The following ADGRD1 variants were observed in gnomAD, a reference collection of about 807,000 sequenced individuals.
ADGRD1 encodes the protein adhesion G protein-coupled receptor D1, also known as G-protein coupled receptor 133.
A neutral mutation model predicts 113.4 loss-of-function variants in ADGRD1; 77 were observed. The observed-to-expected ratio is 0.68, with a 90% CI of 0.57 to 0.82. The LOEUF (loss-of-function observed/expected upper bound fraction) is 0.82, where lower values mean the gene tolerates loss of function less well. Ranked by LOEUF, ADGRD1 falls within the 40% of genes least tolerant of loss-of-function variation. The pLI, the probability that ADGRD1 is intolerant of heterozygous loss-of-function variation, is 0.00. For missense variants in ADGRD1, 1,036 were observed against 1,139.1 expected, an observed-to-expected ratio of 0.91 and a Z score of 1.30; for synonymous variants, 474 against 475.0, an observed-to-expected ratio of 1.00 and a Z score of 0.03.
chr12:131,063,682 G>A (rs1190386289), intron 13 of ADGRD1, among the ~76,000 whole-genome samples: 3 of 152,176 alleles, frequency 2.0e-5, no homozygotes, highest in Non-Finnish European at 4.4e-5. Flanking sequence ...TGTGTAGTAG[G>A]TCTTGAAATC....
chr12:131,016,158 T>C (rs1331569720), intron 13 of ADGRD1, among the ~76,000 whole-genome samples: 1 of 152,208 alleles, frequency 6.6e-6, no homozygotes, highest in South Asian at 2.1e-4. Context: ...GAAGGGAACC[T>C]CCCTCCACGC....
intron 15 of ADGRD1, among the ~76,000 whole-genome samples, chr12:131,091,708 G>A (rs188100333): frequency 3.4e-5 from 5 of 147,338 alleles, no homozygotes; most frequent in Admixed American, 1.3e-4. Flanking sequence ...GGGCCGGGGC[G>A]AGGAGGGGGC....
At chr12:131,032,725 T>C (rs7138399) in intron 13 of ADGRD1, among the ~76,000 whole-genome samples, 24,067 of 73,256 alleles carry the variant, frequency 0.33, 4,521 homozygotes, top group South Asian at 0.44. Flanking sequence ...AGAGATGACG[T>C]TTATTAGAGA....
In ADGRD1 at chr12:131,139,305, AC is replaced by A. The variant is rs35160436; in HGVS notation, c.*49del. On this transcript the variant is annotated 3_prime_UTR_variant, in exon 25 of 25. Transcript: ENST00000261654. ...CCAGGCCAGGCTGCGCTCAGAACACACCCCCCCAAACAGAATGAAATGCCCC... is the reference window on the plus strand; with the variant it reads ...CCAGGCCAGGCTGCGCTCAGAACACACCCCCCAAACAGAATGAAATGCCCC... The A allele has an allele frequency of 2.1e-5, 26 of 1,250,746 alleles. No homozygotes were observed. The highest frequency in any genetic ancestry group is 4.8e-5 in the East Asian group (2 of 41,250). 77.5% of individuals were successfully genotyped at this position (1,250,746 alleles called of 1,614,324 possible).
chr12:131,089,158 C>T (rs1886722772), intron 15 of ADGRD1, among the ~76,000 whole-genome samples: 1 of 152,188 alleles, frequency 6.6e-6, no homozygotes, highest in African/African-American at 2.4e-5. Flanking sequence ...TGCTCGTTGG[C>T]ATGTGAAGAA....
rs1262098268 is a variant in ADGRD1 at position 131,084,041 on chromosome 12, T to A, written c.1548-499T>A. 6.6e-6 allele frequency among the ~76,000 whole-genome samples: 1 copy of A among 152,244 alleles called. No individual in the cohort carries two copies. Among genetic ancestry groups the A allele is most frequent in the East Asian group, 1.9e-4 (1 of 5,200 alleles). On this transcript the variant is annotated intron_variant, in intron 14 of 24. Coordinates refer to ENST00000261654, the MANE Select transcript of ADGRD1 (RefSeq NM_198827.5). This position sits in a 1 kb window ranked among gnomAD's most constrained non-coding sequence, Gnocchi z 4.5. Reference sequence around the variant, plus strand: ...CTTATCAGTGCACATTGGTCAAGGATGTTCTTTTTAACCGATGCGAGGTCT... The same window carrying A: ...CTTATCAGTGCACATTGGTCAAGGAAGTTCTTTTTAACCGATGCGAGGTCT...
chr12:131,008,034 TG>T (rs1488051735), intron 12 of ADGRD1, among the ~76,000 whole-genome samples: 2 of 152,216 alleles, frequency 1.3e-5, no homozygotes, highest in Admixed American at 6.5e-5. Flanking sequence ...TGTGTGACCC[TG>T]GGCAAGTGAC....
intron 18 of ADGRD1, among the ~76,000 whole-genome samples, chr12:131,110,631 T>C (rs1361680923): frequency 6.6e-6 from 1 of 152,244 alleles, no homozygotes; most frequent in Non-Finnish European, 1.5e-5. Flanking sequence ...TTTATAGAGT[T>C]ACATTAACCT....
intron 12 of ADGRD1, among the ~76,000 whole-genome samples, chr12:131,007,104 G>A (rs1160918780): frequency 6.6e-6 from 1 of 152,218 alleles, no homozygotes. Context: ...GAGAACCTGC[G>A]TGGGAAAGCG....
At chr12:131,088,559 C>G (rs554752916) in intron 15 of ADGRD1, among the ~76,000 whole-genome samples, 2 of 152,104 alleles carry the variant, frequency 1.3e-5, no homozygotes, top group East Asian at 3.9e-4. Flanking sequence ...AAGGACAGTC[C>G]GGGCAGAGGA....
chr12:131,086,350 A>G (rs753780204), intron 15 of ADGRD1, among the ~76,000 whole-genome samples: 9 of 152,032 alleles, frequency 5.9e-5, no homozygotes, highest in Middle Eastern at 3.2e-3. Context: ...GACTTTTCCT[A>G]TTCCAGAAAG....
chr12:130,991,322 G>C (rs1287113721), intron 7 of ADGRD1, among the ~76,000 whole-genome samples: 5 of 152,132 alleles, frequency 3.3e-5, no homozygotes. Context: ...GAAATACCGG[G>C]CTCATTCATG....
chr12:131,014,186 G>T lies in ADGRD1; in HGVS notation c.1332-13G>T. On this transcript the variant is annotated splice_polypyrimidine_tract_variant and intron_variant, in intron 12 of 24. Transcript: ENST00000261654. ...CGTTTCCCATTTTGTAATGATTTCCGTCTCTTCCCAAGGATCGCGGAGGCC... is the reference window on the plus strand; with the variant it reads ...CGTTTCCCATTTTGTAATGATTTCCTTCTCTTCCCAAGGATCGCGGAGGCC... 1 of 1,612,276 alleles carries T rather than the reference G, an allele frequency of 6.2e-7. No homozygotes were observed. The highest frequency in any genetic ancestry group is 2.2e-5 in the East Asian group (1 of 44,842).
intron 19 of ADGRD1, 48 bp downstream of exon 19, chr12:131,118,499 G>C (rs377564599): frequency 7.0e-7 from 1 of 1,430,832 alleles, no homozygotes; most frequent in African/African-American, 1.4e-5. Context: ...CCATGGAACA[G>C]CTTGTGGCGA....
intron 20 of ADGRD1, chr12:131,121,808 C>T (rs534878968): frequency 6.6e-6 from 1 of 152,376 alleles, no homozygotes; most frequent in South Asian, 2.1e-4. Context: ...CTCTGCCTCC[C>T]CGGATGGAAA....
rs1271467333 is a variant in ADGRD1, at chr12:131,027,846, A to G, written c.1473+13506A>G. On this transcript the variant is annotated intron_variant, in intron 13 of 24. Coordinates refer to ENST00000261654, the MANE Select transcript of ADGRD1 (RefSeq NM_198827.5). This position sits in a 1 kb window ranked among gnomAD's most constrained non-coding sequence, Gnocchi z 5.1. ...GTATGACAGTTTTTACAAAGCGAAC[A>G]TACCCAAGAAATCACCCCTCAGGTC... 1 of 152,238 alleles carries G rather than the reference A, an allele frequency of 6.6e-6. No individual in the cohort carries two copies. Among genetic ancestry groups the G allele is most frequent in the Admixed American group, 6.5e-5 (1 of 15,290 alleles). 9.4% of individuals were successfully genotyped at this position (152,238 alleles called of 1,614,324 possible).
At chr12:130,972,636 T>C (rs193095140) in intron 4 of ADGRD1, among the ~76,000 whole-genome samples, 2 of 152,084 alleles carry the variant, frequency 1.3e-5, no homozygotes, top group East Asian at 1.9e-4. Flanking sequence ...AAAACAACCA[T>C]GGGCTCGGCG....
rs919314724 is a variant in ADGRD1, at chr12:130,999,108, T to C, written c.967-1275T>C. Among the ~76,000 whole-genome samples, 7 of 152,340 alleles carry C rather than the reference T, an allele frequency of 4.6e-5. No homozygotes were observed. The South Asian group carries it at 6.2e-4, about 14-fold the overall frequency. On this transcript the variant is annotated intron_variant, in intron 8 of 24. Transcript: ENST00000261654. The stretch of plus-strand genomic sequence containing the variant: ...CTTGCTGCTAGAAAATTTAAAATGA[T>C]AGATGTGGCCCATATTATGTTTCTG...
At chr12:131,038,754 T>C (rs1489314755) in intron 13 of ADGRD1, among the ~76,000 whole-genome samples, 1 of 152,188 alleles carries the variant, frequency 6.6e-6, no homozygotes, top group African/African-American at 2.4e-5. Flanking sequence ...AGGCTGACCT[T>C]TGACATCAGG....
Sources: allele counts gnomAD v4.1 joint callset (sites outside exome capture counted in the v4.1 genomes callset), GRCh38; gene constraint gnomAD v4.1.1; non-coding constraint Gnocchi (gnomAD v3.1); transcripts MANE v1.5; gene names NCBI Gene and HGNC (gene_info 2026-07-23, HGNC 2026-07-21).